CAPS2: variants seen among roughly 807,000 people sequenced by gnomAD.
CAPS2 encodes the protein calcyphosin-2.
A neutral mutation model predicts 86.5 loss-of-function variants in CAPS2; 98 were observed. The observed-to-expected ratio is 1.13, with a 90% CI of 0.96 to 1.34. The LOEUF (loss-of-function observed/expected upper bound fraction) is 1.34, where lower values mean the gene tolerates loss of function less well. Among genes scored for constraint, CAPS2 ranks in the 40% most tolerant of loss-of-function variants. The probability of loss-of-function intolerance (pLI) is 0.00; values close to 1 mark genes in which losing one functional copy is unlikely to be tolerated. For missense variants in CAPS2, 729 were observed against 686.8 expected, an observed-to-expected ratio of 1.06 and a Z score of -0.69; for synonymous variants, 210 against 225.1, an observed-to-expected ratio of 0.93 and a Z score of 0.60.
At chr12:75,291,905 C>A in intron 12 of CAPS2, 85 bp from the exon 13 acceptor site, 1 of 489,884 alleles carries the variant, frequency 2.0e-6, no homozygotes, top group Non-Finnish European at 3.4e-6. Context: ...CTCTTCCCTG[C>A]TCCAGACTCA....
chr12:75,279,238 A>T (rs1439164075), intron 16 of CAPS2, among the ~76,000 whole-genome samples, 173 bp from the exon 17 acceptor site: 4 of 151,896 alleles, frequency 2.6e-5, no homozygotes, highest in African/African-American at 9.7e-5. Context: ...ATCTCATTCG[A>T]TTTGCCACTC....
chr12:75,354,167 G>T (rs751619950), intron 1 of CAPS2, among the ~76,000 whole-genome samples: 1 of 46,294 alleles, frequency 2.2e-5, no homozygotes, highest in Non-Finnish European at 5.3e-5. Flanking sequence ...AGAAAAAAAA[G>T]GGGGGGGGGT....
chr12:75,292,929 TA>T (rs1210369971), intron 12 of CAPS2, among the ~76,000 whole-genome samples: 1 of 151,476 alleles, frequency 6.6e-6, no homozygotes, highest in Middle Eastern at 3.2e-3. Flanking sequence ...TATAGTATTG[TA>T]TTGATATCCT....
At chr12:75,350,311 C>CAA (rs1298304088) in intron 1 of CAPS2, among the ~76,000 whole-genome samples, 1 of 152,206 alleles carries the variant, frequency 6.6e-6, no homozygotes, top group African/African-American at 2.4e-5. Context: ...TTTCTGATGG[C>CAA]AAGCTCTGAG....
chr12:75,277,121 C>T (rs771486478), downstream of CAPS2: 2 of 983,130 alleles, frequency 2.0e-6, no homozygotes, highest in South Asian at 9.4e-5. Flanking sequence ...CTACAAATAA[C>T]CACATGTGAA....
At chr12:75,331,996 T>C (rs1031965640), upstream of CAPS2, among the ~76,000 whole-genome samples, 1 of 152,224 alleles carries the variant, frequency 6.6e-6, no homozygotes, top group Non-Finnish European at 1.5e-5. Context: ...CAATTAGACT[T>C]TTTACACCTA....
chr12:75,324,069 G>T (rs1181469029), intron 2 of CAPS2, among the ~76,000 whole-genome samples: 1 of 152,186 alleles, frequency 6.6e-6, no homozygotes, highest in African/African-American at 2.4e-5. Flanking sequence ...ATTATATCAT[G>T]TCTATACCTG....
At chr12:75,292,200 G>A (rs1240045862) in intron 12 of CAPS2, among the ~76,000 whole-genome samples, 1 of 151,980 alleles carries the variant, frequency 6.6e-6, no homozygotes, top group East Asian at 1.9e-4. Context: ...GTGAGTAGCT[G>A]GGACTACAGG....
chr12:75,315,253 T>C (rs1203425664), intron 6 of CAPS2, among the ~76,000 whole-genome samples: 1 of 152,188 alleles, frequency 6.6e-6, no homozygotes, highest in African/African-American at 2.4e-5. Flanking sequence ...CAATGAGCCT[T>C]AATTATTGCA....
intron 1 of CAPS2, among the ~76,000 whole-genome samples, chr12:75,362,894 G>A (rs571794046): frequency 6.6e-6 from 1 of 152,132 alleles, no homozygotes; most frequent in South Asian, 2.1e-4. Context: ...GAATATTCAA[G>A]AATAGAACTT....
chr12:75,329,773 A>G (rs1394992563), upstream of CAPS2: 11 of 1,421,074 alleles, frequency 7.7e-6, no homozygotes, highest in Admixed American at 4.7e-5. Flanking sequence ...AAACAGGGTA[A>G]TATCTCCTTT....
At chr12:75,375,089 G>T (rs11520223) in intron 1 of CAPS2, among the ~76,000 whole-genome samples, 44,230 of 151,968 alleles carry the variant, frequency 0.29, 7,461 homozygotes, top group East Asian at 0.45. Context: ...CTAGGTAGAG[G>T]CATCTCTAAT....
At chr12:75,330,498 G>T (rs1245478058), upstream of CAPS2, among the ~76,000 whole-genome samples, 1 of 152,218 alleles carries the variant, frequency 6.6e-6, no homozygotes, top group Non-Finnish European at 1.5e-5. Flanking sequence ...TGTGCACAGA[G>T]CCCAGAATGA....
chr12:75,279,014 A>C, exon 17 of CAPS2: 1 of 1,609,582 alleles, frequency 6.2e-7, no homozygotes, highest in South Asian at 1.1e-5. Context: ...GCTGCAGGCA[A>C]CTTTTAATGT....
At chr12:75,325,142 A>G in intron 2 of CAPS2, 97 bp downstream of exon 3, 1 of 1,172,978 alleles carries the variant, frequency 8.5e-7, no homozygotes, top group South Asian at 1.7e-5. Context: ...GTTCACAATC[A>G]TAGCTACATT....
intron 1 of CAPS2, among the ~76,000 whole-genome samples, chr12:75,388,388 C>A (rs944613016): frequency 6.6e-6 from 1 of 152,158 alleles, no homozygotes; most frequent in Admixed American, 6.5e-5. Flanking sequence ...AATCAGCCAA[C>A]ATGTCCTTCA....
chr12:75,308,925 G>T (rs6582286), intron 7 of CAPS2, among the ~76,000 whole-genome samples: 103,071 of 130,712 alleles, frequency 0.79, 40,839 homozygotes, highest in African/African-American at 0.83. Context: ...AAAAAAAAAG[G>T]GGGTAAGGAG....
upstream of CAPS2, chr12:75,334,005 A>G (rs1480393811): frequency 6.6e-6 from 1 of 152,240 alleles, no homozygotes; most frequent in East Asian, 1.9e-4. Flanking sequence ...TATCAATTAA[A>G]GCAACTCTTG....
At chr12:75,287,089 C>CATATATATACATATATATATATT (rs1318143888) in intron 14 of CAPS2, among the ~76,000 whole-genome samples, 9 of 150,232 alleles carry the variant, frequency 6.0e-5, no homozygotes, top group African/African-American at 1.2e-4. Flanking sequence ...CAAACACACA[C>CATATATATACATATATATATATT]ATATATATAC....
Sources: gnomAD v4.1 joint callset for allele counts (sites outside exome capture counted in the v4.1 genomes callset) on GRCh38, gnomAD v4.1.1 for gene constraint, MANE v1.5 for transcripts, NCBI Gene and HGNC (gene_info 2026-07-23, HGNC 2026-07-21) for gene names.